The following ADAM2 variants were observed in gnomAD, a reference collection of about 807,000 sequenced individuals.
The protein encoded by ADAM2 is disintegrin and metalloproteinase domain-containing protein 2.
A neutral mutation model predicts 99.3 loss-of-function variants in ADAM2; 101 were observed. The ratio of observed to expected loss-of-function variants is 1.02; its 90% CI spans 0.87 to 1.20. The LOEUF is 1.20. Ranked by LOEUF, ADAM2 falls within the 50% of genes most tolerant of loss-of-function variation. The probability of loss-of-function intolerance (pLI) is 0.00; values close to 1 mark genes in which losing one functional copy is unlikely to be tolerated. For synonymous variants in ADAM2, 323 were observed against 287.6 expected (o/e 1.12, Z -1.25); for missense variants, 948 against 878.7 (o/e 1.08, Z -1.00).
In ADAM2 at chr8:39,786,133, A is replaced by C. The variant is rs537551662; in HGVS notation, c.891+841T>G. Among the ~76,000 whole-genome samples, 149 of 152,270 alleles carry C rather than the reference A, an allele frequency of 9.8e-4. 1 individual carries two copies. The highest frequency in any genetic ancestry group is 3.5e-3 in the African/African-American group (145 of 41,560). ...GGTCCACTTAGACATTAAGATGGTA[A>C]CACTAGAAACCAGGAACTACCGGGG... On this transcript the variant is annotated intron_variant, in intron 10 of 20. Coordinates refer to ENST00000265708, the MANE Select transcript of ADAM2 (RefSeq NM_001464.5).
At chr8:39,787,121 A>C (rs1803497670) in intron 9 of ADAM2, 66 bp from the exon 10 acceptor site, 9 of 967,048 alleles carry the variant, frequency 9.3e-6, no homozygotes, top group Non-Finnish European at 1.4e-5. Context: ...TTTATAAGAC[A>C]AATTTTACAT....
At chr8:39,767,914 A>ACACACACACC (rs1802632232) in intron 12 of ADAM2, among the ~76,000 whole-genome samples, 1 of 152,112 alleles carries the variant, frequency 6.6e-6, no homozygotes, top group East Asian at 1.9e-4. Context: ...ACACACACAC[A>ACACACACACC]CACACACACA....
intron 16 of ADAM2, among the ~76,000 whole-genome samples, chr8:39,751,191 G>A (rs1334782107): frequency 6.6e-6 from 1 of 152,156 alleles, no homozygotes; most frequent in Admixed American, 6.5e-5. Flanking sequence ...TTGGATGGCT[G>A]TGGTAGTAGT....
intron 11 of ADAM2, among the ~76,000 whole-genome samples, chr8:39,772,453 T>A (rs1426507623): frequency 6.6e-6 from 1 of 152,074 alleles, no homozygotes; most frequent in Non-Finnish European, 1.5e-5. Context: ...ATTGTTGTAA[T>A]TAAAACTTCC....
chr8:39,812,055 A>C (rs1804724683), intron 6 of ADAM2, among the ~76,000 whole-genome samples: 1 of 152,198 alleles, frequency 6.6e-6, no homozygotes, highest in South Asian at 2.1e-4. Context: ...AAATCTCCTT[A>C]AGCTGATAAG....
intron 15 of ADAM2, among the ~76,000 whole-genome samples, chr8:39,759,339 G>A (rs1224666340): frequency 6.6e-6 from 1 of 151,624 alleles, no homozygotes; most frequent in Non-Finnish European, 1.5e-5. Context: ...TTAGTTAACC[G>A]ATAGTATTAA....
intron 3 of ADAM2, among the ~76,000 whole-genome samples, chr8:39,830,017 T>C (rs1437609905): frequency 2.6e-5 from 4 of 152,136 alleles, no homozygotes; most frequent in African/African-American, 7.2e-5. Context: ...GGGGCTATTA[T>C]AGCAAATGAA....
At position 39,821,116 on chromosome 8, in the gene ADAM2, T is replaced by C; in HGVS notation, c.399A>G (p.Ser133=). Residue 133 remains serine, a synonymous_variant, in exon 6 of 21, where the codon TCA becomes TCG. Transcript: ENST00000265708. ...VSYGIEPLES[S]VGFEHVIYQV... is the part of the protein sequence containing the mutation. ...GGTAAATTACATGTTCAAAGCCAAC[T>C]GAAGACTCCAGGGGTTCTATTCCAT... 1 of 1,612,440 alleles carries C rather than the reference T, an allele frequency of 6.2e-7. No individual in the cohort carries two copies. The highest frequency in any genetic ancestry group is 8.5e-7 in the Non-Finnish European group (1 of 1,178,868).
chr8:39,825,638 A>C lies in ADAM2; in HGVS notation c.189-741T>G, dbSNP rs374410133. On this transcript the variant is annotated intron_variant, in intron 3 of 20. Coordinates refer to ENST00000265708, the MANE Select transcript of ADAM2 (RefSeq NM_001464.5). The stretch of plus-strand genomic sequence containing the variant: ...ATCATCAAAAGAAAAAAAAAGACTA[A>C]CAAAAGCCCAGATGAACTTTAAAGA... 3.9e-5 allele frequency among the ~76,000 whole-genome samples: 6 copies of C among 152,224 alleles called. No individual in the cohort carries two copies. In the East Asian group the frequency reaches 9.7e-4, roughly 24 times the overall value.
At chr8:39,799,988 G>A (rs1804134229) in intron 7 of ADAM2, among the ~76,000 whole-genome samples, 1 of 152,168 alleles carries the variant, frequency 6.6e-6, no homozygotes, top group Non-Finnish European at 1.5e-5. Context: ...CAATTTGCCA[G>A]CTTGTGTCTT....
chr8:39,814,011 A>C (rs1044128614), intron 6 of ADAM2, among the ~76,000 whole-genome samples: 1 of 152,048 alleles, frequency 6.6e-6, no homozygotes, highest in East Asian at 1.9e-4. Flanking sequence ...ACACAGATGC[A>C]TGAGAGAATG....
Position 39,836,999 on chromosome 8 carries a change from G to C in ADAM2, c.132+137C>G, listed in dbSNP as rs113250164. On this transcript the variant is annotated intron_variant, in intron 2 of 20. Coordinates refer to ENST00000265708, the MANE Select transcript of ADAM2 (RefSeq NM_001464.5). Reference sequence around the variant, plus strand: ...TTGATCCTGGTTCATTTTCAAAAGGGCTTTTCCATTCAGGGAAAATTTGGT... The same window carrying C: ...TTGATCCTGGTTCATTTTCAAAAGGCCTTTTCCATTCAGGGAAAATTTGGT... The C allele has an allele frequency of 1.1e-3, 685 of 599,632 alleles. 7 individuals are homozygous for C. In the African/African-American group the frequency reaches 0.012, roughly 11 times the overall value. 37.1% of individuals were successfully genotyped at this position (599,632 alleles called of 1,614,324 possible). A position where few individuals can be genotyped will look rare whatever the true frequency, so the allele number is the denominator to read the frequency against.
rs1805328752 is a variant in ADAM2, at chr8:39,824,675, A to G, written c.267+144T>C. 7.9e-6 allele frequency: 5 copies of G among 633,964 alleles called. No individual in the cohort carries two copies. In the South Asian group the frequency reaches 9.6e-5, roughly 12 times the overall value. The allele number at this position is 633,964 out of a possible 1,614,324, so 39.3% of individuals were successfully genotyped here. On this transcript the variant is annotated intron_variant, in intron 4 of 20. Coordinates refer to ENST00000265708, the MANE Select transcript of ADAM2 (RefSeq NM_001464.5). ...TTTAATAGGGCTAACTCAGTACATC[A>G]GTATACATCATTAACAGGAAAACAT...
At chr8:39,794,204 G>A (rs1032083412) in intron 7 of ADAM2, among the ~76,000 whole-genome samples, 2 of 152,098 alleles carry the variant, frequency 1.3e-5, no homozygotes, top group Non-Finnish European at 2.9e-5. Context: ...ATGTATGTTT[G>A]TATGTCATAT....
At chr8:39,816,154 G>A (rs555076465) in intron 6 of ADAM2, among the ~76,000 whole-genome samples, 233 of 152,146 alleles carry the variant, frequency 1.5e-3, no homozygotes, top group African/African-American at 5.1e-3. Context: ...AAAATTAGCC[G>A]AGCGTGGTGG....
chr8:39,821,653 G>T lies in ADAM2; in HGVS notation c.277C>A (p.His93Asn). 1 of 1,601,888 alleles carries T rather than the reference G, an allele frequency of 6.2e-7. No individual in the cohort carries two copies. Among genetic ancestry groups the T allele is most frequent in the African/African-American group, 1.3e-5 (1 of 74,712 alleles). The change falls in exon 5 of 21, where the codon CAC (histidine) becomes AAC (asparagine). Residue 93 changes from histidine (H) to asparagine (N), a missense_variant. His to Asn is a moderately conservative substitution (Grantham distance 68). Transcript: ENST00000265708. The stretch of plus-strand genomic sequence containing the variant: ...TAACCTTCAATATACCCTTGGTAGT[G>T]GCAGAAATTCTGAAAGATAAAATAC... ...PLDQDFQNFC[H>N]YQGYIEGYPK...
intron 7 of ADAM2, among the ~76,000 whole-genome samples, chr8:39,795,101 T>G (rs899352746): frequency 6.6e-6 from 1 of 152,164 alleles, no homozygotes; most frequent in Non-Finnish European, 1.5e-5. Context: ...TTTGCTAAGT[T>G]AAGTTGAAGA....
At chr8:39,787,842 G>T (rs1295243320) in intron 9 of ADAM2, among the ~76,000 whole-genome samples, 2 of 151,484 alleles carry the variant, frequency 1.3e-5, no homozygotes, top group Non-Finnish European at 3.0e-5. Flanking sequence ...TAATAATGTG[G>T]TATATACCCT....
chr8:39,765,559 A>G (rs1802538568), intron 14 of ADAM2, among the ~76,000 whole-genome samples: 1 of 152,204 alleles, frequency 6.6e-6, no homozygotes, highest in African/African-American at 2.4e-5. Context: ...ATCGGAATAC[A>G]CCAACGATTG....
Sources: gnomAD v4.1 joint callset for allele counts (sites outside exome capture counted in the v4.1 genomes callset) on GRCh38, gnomAD v4.1.1 for gene constraint, MANE v1.5 for transcripts, NCBI Gene and HGNC (gene_info 2026-07-23, HGNC 2026-07-21) for gene names.